The following MAPK10 variants were observed in gnomAD, a reference collection of about 807,000 sequenced individuals.
MAPK10 encodes the protein mitogen-activated protein kinase 10.
A neutral mutation model predicts 59.3 loss-of-function variants in MAPK10; 25 were observed. That is an observed-to-expected ratio of 0.42 (90% CI 0.31 to 0.59). The LOEUF is 0.59. Ranked by LOEUF, MAPK10 falls within the 20% of genes least tolerant of loss-of-function variation. The pLI is 0.15. For missense variants in MAPK10, 351 were observed against 568.9 expected (o/e 0.62, Z 3.90); for synonymous variants, 190 against 200.5 (o/e 0.95, Z 0.44).
chr4:86,151,267 T>C (rs1399784768), intron 4 of MAPK10, among the ~76,000 whole-genome samples: 1 of 152,058 alleles, frequency 6.6e-6, no homozygotes, highest in Non-Finnish European at 1.5e-5. Context: ...AAGTAGGAGG[T>C]AAGACCTTCT....
chr4:86,328,564 C>A (rs2096077130), intron 2 of MAPK10, among the ~76,000 whole-genome samples: 1 of 152,132 alleles, frequency 6.6e-6, no homozygotes, highest in African/African-American at 2.4e-5. Context: ...ATGTTTACTG[C>A]AGCACTATTT....
chr4:86,580,096 C>G (rs1762162482), intron 1 of MAPK10, among the ~76,000 whole-genome samples: 1 of 151,994 alleles, frequency 6.6e-6, no homozygotes, highest in Non-Finnish European at 1.5e-5. Context: ...TGTGAGACAC[C>G]GTCCGTGGCC....
intron 9 of MAPK10, among the ~76,000 whole-genome samples, chr4:86,076,027 T>C (rs922346855): frequency 1.1e-4 from 16 of 151,916 alleles, no homozygotes; most frequent in African/African-American, 3.6e-4. Context: ...CTCAGACTGC[T>C]GTGCTAGCAA....
intron 1 of MAPK10, among the ~76,000 whole-genome samples, chr4:86,449,888 C>T (rs1037267303): frequency 6.6e-6 from 1 of 152,178 alleles, no homozygotes; most frequent in African/African-American, 2.4e-5. Context: ...ATGAGAGTTA[C>T]CCTGGCTAAT....
intron 1 of MAPK10, among the ~76,000 whole-genome samples, chr4:86,405,172 A>G (rs149701653): frequency 6.6e-6 from 1 of 152,242 alleles, no homozygotes; most frequent in African/African-American, 2.4e-5. Flanking sequence ...ATTTGAATCA[A>G]TCTAGCTGGT....
At chr4:86,032,269 T>C (rs1412140032) in intron 11 of MAPK10, 1 of 152,162 alleles carries the variant, frequency 6.6e-6, no homozygotes, top group Non-Finnish European at 1.5e-5. Flanking sequence ...TGACCTCTTC[T>C]TCCTGATATT....
chr4:86,069,115 C>T (rs1466279096), intron 9 of MAPK10, among the ~76,000 whole-genome samples: 1 of 152,080 alleles, frequency 6.6e-6, no homozygotes, highest in African/African-American at 2.4e-5. Context: ...TTACTCCTAG[C>T]TATTCAAGAG....
intron 1 of MAPK10, among the ~76,000 whole-genome samples, chr4:86,499,084 A>G (rs1039852519): frequency 4.6e-5 from 7 of 152,182 alleles, no homozygotes; most frequent in African/African-American, 1.2e-4. Flanking sequence ...TGCGATTACA[A>G]TTGTGTTAAA....
chr4:86,477,569 G>A (rs992455936), intron 1 of MAPK10, among the ~76,000 whole-genome samples: 7 of 151,966 alleles, frequency 4.6e-5, no homozygotes, highest in Admixed American at 2.0e-4. Context: ...CCTGCTCAAC[G>A]CCAATATCCC....
intron 9 of MAPK10, among the ~76,000 whole-genome samples, chr4:86,097,988 A>G (rs539759254): frequency 2.0e-5 from 3 of 152,280 alleles, no homozygotes; most frequent in African/African-American, 7.2e-5. Context: ...CAATAATTAC[A>G]ATTTTTAAAT....
At chr4:86,384,755 T>C (rs1160600971) in intron 1 of MAPK10, among the ~76,000 whole-genome samples, 3 of 152,212 alleles carry the variant, frequency 2.0e-5, no homozygotes, top group African/African-American at 4.8e-5. Context: ...AAAAGTGTTT[T>C]ATTTATGATA....
At chr4:86,421,672 A>T (rs1579155471) in intron 1 of MAPK10, among the ~76,000 whole-genome samples, 1 of 152,216 alleles carries the variant, frequency 6.6e-6, no homozygotes, top group East Asian at 1.9e-4. Context: ...CGGTGCAGTA[A>T]GGAAGAACCT....
At chr4:86,425,102 G>T (rs1747098097) in intron 1 of MAPK10, among the ~76,000 whole-genome samples, 1 of 152,150 alleles carries the variant, frequency 6.6e-6, no homozygotes. Context: ...AAGGCTTTTA[G>T]AGTCTTGAAA....
intron 4 of MAPK10, among the ~76,000 whole-genome samples, chr4:86,109,953 G>A (rs1468997742): frequency 6.6e-6 from 1 of 152,062 alleles, no homozygotes; most frequent in East Asian, 1.9e-4. Flanking sequence ...TCTCATTATG[G>A]TTTTGATTTG....
intron 1 of MAPK10, among the ~76,000 whole-genome samples, chr4:86,458,225 G>A (rs1238974055): frequency 1.3e-5 from 2 of 151,966 alleles, no homozygotes; most frequent in South Asian, 2.1e-4. Flanking sequence ...GCTTGAACCT[G>A]GGAGGTGGAG....
chr4:86,217,335 A>G (rs1308052958), intron 2 of MAPK10, among the ~76,000 whole-genome samples: 1 of 152,210 alleles, frequency 6.6e-6, no homozygotes, highest in Non-Finnish European at 1.5e-5. Flanking sequence ...TTTTTCTGTC[A>G]TCCTTATAAT....
chr4:86,134,958 G>A (rs2061652400), intron 4 of MAPK10, among the ~76,000 whole-genome samples: 1 of 152,190 alleles, frequency 6.6e-6, no homozygotes, highest in South Asian at 2.1e-4. Flanking sequence ...ACTCCCACCT[G>A]AATACTGCGC....
intron 1 of MAPK10, among the ~76,000 whole-genome samples, chr4:86,403,141 A>G (rs182210752): frequency 1.5e-3 from 229 of 152,308 alleles, no homozygotes; most frequent in Non-Finnish European, 2.3e-3. Flanking sequence ...TGATGGCTTC[A>G]TATGTGTTCC....
At chr4:86,279,688 G>T (rs2148794597) in intron 2 of MAPK10, among the ~76,000 whole-genome samples, 1 of 152,168 alleles carries the variant, frequency 6.6e-6, no homozygotes, top group South Asian at 2.1e-4. Flanking sequence ...ATTACTAGGG[G>T]GGGCTCAACT....
Sources: allele counts gnomAD v4.1 joint callset (sites outside exome capture counted in the v4.1 genomes callset), GRCh38; gene constraint gnomAD v4.1.1; transcripts MANE v1.5; gene names NCBI Gene and HGNC (gene_info 2026-07-23, HGNC 2026-07-21).